The following ANGPT1 variants were observed in gnomAD, a reference collection of about 807,000 sequenced individuals.
ANGPT1 encodes the protein angiopoietin 1.
Under a neutral mutation model 62.2 loss-of-function variants are expected in ANGPT1, and 17 were observed. The observed-to-expected ratio is 0.27, with a 90% CI of 0.19 to 0.41. ANGPT1 has a LOEUF of 0.41. ANGPT1 is among the 10% of genes least tolerant of loss of function. ANGPT1 has a pLI of 1.00. For missense variants in ANGPT1, 478 were observed against 594.9 expected, an observed-to-expected ratio of 0.80 and a Z score of 2.04; for synonymous variants, 199 against 198.9, an observed-to-expected ratio of 1.00 and a Z score of 0.00.
At chr8:107,364,404 C>T (rs1816230993) in intron 1 of ANGPT1, among the ~76,000 whole-genome samples, 1 of 152,104 alleles carries the variant, frequency 6.6e-6, no homozygotes, top group Admixed American at 6.6e-5. Flanking sequence ...CCTCAGCCTC[C>T]CTAGTAGCTG....
In ANGPT1 at chr8:107,264,594, T is replaced by C. The variant is rs1002150028; in HGVS notation, c.1206-243A>G. 3.0e-4 allele frequency among the ~76,000 whole-genome samples: 45 copies of C among 152,246 alleles called. 1 individual carries two copies. The highest frequency in any genetic ancestry group is 2.4e-3 in the Admixed American group (37 of 15,288). ...CTGATACTGCAGGATCCAGAAAACA[T>C]AAAAACTTGGGTTTATTGTATTAAT... On this transcript the variant is annotated intron_variant, in intron 7 of 8. Coordinates refer to ENST00000517746, the MANE Select transcript of ANGPT1 (RefSeq NM_001146.5).
chr8:107,282,627 G>C (rs1223727846), intron 7 of ANGPT1, among the ~76,000 whole-genome samples: 2 of 130,496 alleles, frequency 1.5e-5, no homozygotes, highest in African/African-American at 2.9e-5. Flanking sequence ...TAAAACCAGA[G>C]GTTTGAAATT....
rs548899029 is a variant in ANGPT1, at chr8:107,416,052, A to G, written c.298-68955T>C. 4.6e-5 allele frequency among the ~76,000 whole-genome samples: 7 copies of G among 152,298 alleles called. No individual in the cohort carries two copies. The South Asian group carries it at 1.5e-3, about 32-fold the overall frequency. ...TTTTCTCTGCTGTCAAACTACAGCA[A>G]TCAACATAGAAAACATTTTCCCCCA... On this transcript the variant is annotated intron_variant, in intron 1 of 8. Coordinates refer to ENST00000517746, the MANE Select transcript of ANGPT1 (RefSeq NM_001146.5).
At chr8:107,423,272 A>G (rs1408092511) in intron 1 of ANGPT1, among the ~76,000 whole-genome samples, 4 of 152,218 alleles carry the variant, frequency 2.6e-5, no homozygotes, top group Admixed American at 6.5e-5. Flanking sequence ...AATGAGATAA[A>G]GCGTCAATAA....
chr8:107,303,096 G>T, intron 5 of ANGPT1, 144 bp downstream of exon 5: 1 of 906,126 alleles, frequency 1.1e-6, no homozygotes, highest in Non-Finnish European at 1.7e-6. Flanking sequence ...TTATGGACCT[G>T]GGAAACAGAG....
intron 1 of ANGPT1, among the ~76,000 whole-genome samples, chr8:107,439,050 C>G (rs1652854231): frequency 1.3e-5 from 2 of 152,076 alleles, no homozygotes; most frequent in South Asian, 2.1e-4. Flanking sequence ...TGTTTACAAT[C>G]TAATATACTT....
chr8:107,491,331 A>C (rs1465947868), intron 1 of ANGPT1, among the ~76,000 whole-genome samples: 2 of 152,206 alleles, frequency 1.3e-5, no homozygotes, highest in African/African-American at 4.8e-5. Flanking sequence ...ATAGACAAGG[A>C]TGCTGCTCTA....
chr8:107,436,102 C>G (rs1046846873), intron 1 of ANGPT1, among the ~76,000 whole-genome samples: 2 of 152,114 alleles, frequency 1.3e-5, no homozygotes, highest in African/African-American at 4.8e-5. Context: ...GATGGGGTCT[C>G]TCTATGTTGC....
In ANGPT1 at chr8:107,366,571, A is replaced by G. The variant is rs368479005; in HGVS notation, c.298-19474T>C. Among the ~76,000 whole-genome samples, 37 of 152,298 alleles carry G rather than the reference A, an allele frequency of 2.4e-4. No homozygotes were observed. In the East Asian group the frequency reaches 6.2e-3, roughly 25 times the overall value. On this transcript the variant is annotated intron_variant, in intron 1 of 8. Transcript: ENST00000517746. The stretch of plus-strand genomic sequence containing the variant: ...TGGGCTCACTGTTTTTTATCCAGAA[A>G]GCTTGTTGTCATTATTTTTAAGTTA...
intron 1 of ANGPT1, among the ~76,000 whole-genome samples, chr8:107,492,263 C>T (rs1444181842): frequency 6.6e-6 from 1 of 152,186 alleles, no homozygotes; most frequent in Admixed American, 6.5e-5. Context: ...TTTTCCCAAT[C>T]TCTAGGCATA....
chr8:107,412,719 A>G (rs895110226), intron 1 of ANGPT1, among the ~76,000 whole-genome samples: 13 of 152,126 alleles, frequency 8.5e-5, no homozygotes, highest in African/African-American at 3.1e-4. Flanking sequence ...CACTTGAAAG[A>G]GATCATTACA....
chr8:107,370,338 G>GAA (rs56758955), intron 1 of ANGPT1, among the ~76,000 whole-genome samples: 1 of 33,760 alleles, frequency 3.0e-5, no homozygotes, highest in Non-Finnish European at 7.3e-5. Flanking sequence ...AGGAAAGAAA[G>GAA]AAAAAGAAAG....
At chr8:107,291,374 C>G (rs1814267310) in intron 6 of ANGPT1, among the ~76,000 whole-genome samples, 1 of 151,948 alleles carries the variant, frequency 6.6e-6, no homozygotes, top group South Asian at 2.1e-4. Context: ...TCGAAAATCT[C>G]TCCTCTTGTA....
intron 4 of ANGPT1, among the ~76,000 whole-genome samples, chr8:107,318,114 A>G (rs994216711): frequency 1.3e-5 from 2 of 152,236 alleles, no homozygotes; most frequent in Admixed American, 6.5e-5. Flanking sequence ...CACTGAGGGC[A>G]ATATTTCTTT....
chr8:107,370,325 G>A (rs200773908), intron 1 of ANGPT1, among the ~76,000 whole-genome samples: 2 of 25,856 alleles, frequency 7.7e-5, no homozygotes, highest in Non-Finnish European at 2.0e-4. Context: ...GAAGGAAAGA[G>A]AAAGGAAAGA....
chr8:107,357,151 G>C (rs1648740236), intron 1 of ANGPT1, among the ~76,000 whole-genome samples: 1 of 152,110 alleles, frequency 6.6e-6, no homozygotes, highest in Admixed American at 6.5e-5. Flanking sequence ...ACCTTTGAAT[G>C]AGGTGTATTT....
At chr8:107,401,016 T>C (rs1362379519) in intron 1 of ANGPT1, among the ~76,000 whole-genome samples, 1 of 152,194 alleles carries the variant, frequency 6.6e-6, no homozygotes, top group Admixed American at 6.5e-5. Flanking sequence ...AATTCCACTT[T>C]CTAACCTTTA....
intron 8 of ANGPT1, among the ~76,000 whole-genome samples, chr8:107,261,530 C>G (rs1028583170): frequency 1.3e-5 from 2 of 151,506 alleles, no homozygotes; most frequent in African/African-American, 4.8e-5. Flanking sequence ...ACAGTGAAAC[C>G]CTGTCTCTAG....
At chr8:107,397,568 C>G (rs1816960916) in intron 1 of ANGPT1, among the ~76,000 whole-genome samples, 1 of 152,062 alleles carries the variant, frequency 6.6e-6, no homozygotes, top group Non-Finnish European at 1.5e-5. Context: ...AGGATCACTT[C>G]TTTTACAGCT....
Sources: gnomAD v4.1 joint callset for allele counts (sites outside exome capture counted in the v4.1 genomes callset) on GRCh38, gnomAD v4.1.1 for gene constraint, MANE v1.5 for transcripts, NCBI Gene and HGNC (gene_info 2026-07-23, HGNC 2026-07-21) for gene names.